Variants in LRRN2 observed in about 807,000 individuals in gnomAD.
LRRN2 encodes the protein leucine-rich repeat neuronal protein 2.
A neutral mutation model predicts 35.7 loss-of-function variants in LRRN2; 10 were observed. That is an observed-to-expected ratio of 0.28 (90% CI 0.17 to 0.47). The LOEUF (loss-of-function observed/expected upper bound fraction) is 0.47. Among genes scored for constraint, LRRN2 ranks in the 20% least tolerant of loss-of-function variants. LRRN2 has a pLI of 0.99. For missense variants in LRRN2, 731 were observed against 940.3 expected, an observed-to-expected ratio of 0.78 and a Z score of 2.91; for synonymous variants, 391 against 409.6, an observed-to-expected ratio of 0.95 and a Z score of 0.55.
intron 1 of LRRN2, among the ~76,000 whole-genome samples, chr1:204,663,711 G>T (rs1668516080): frequency 6.6e-6 from 1 of 152,126 alleles, no homozygotes; most frequent in African/African-American, 2.4e-5. Flanking sequence ...GCTGCTTGTT[G>T]TGTCTGTTTG....
chr1:204,674,302 C>T (rs1486915407), intron 1 of LRRN2, among the ~76,000 whole-genome samples: 9 of 151,694 alleles, frequency 5.9e-5, no homozygotes, highest in African/African-American at 2.2e-4. Context: ...CCCTCACTGC[C>T]TCCCCTCCCC....
chr1:204,643,328 T>C (rs1668023746), intron 1 of LRRN2, among the ~76,000 whole-genome samples: 1 of 152,088 alleles, frequency 6.6e-6, no homozygotes, highest in Non-Finnish European at 1.5e-5. Context: ...CATGCAAACA[T>C]GTTTGTTTGT....
At chr1:204,657,399 A>G (rs1051987127) in intron 1 of LRRN2, among the ~76,000 whole-genome samples, 5 of 152,056 alleles carry the variant, frequency 3.3e-5, no homozygotes, top group Admixed American at 2.6e-4. Flanking sequence ...ACAATGCAAT[A>G]ATATTCAACT....
chr1:204,640,369 T>C (rs1435281873), intron 1 of LRRN2, among the ~76,000 whole-genome samples: 3 of 152,178 alleles, frequency 2.0e-5, no homozygotes, highest in Non-Finnish European at 4.4e-5. Context: ...GGGGTTAAGA[T>C]TCAACACAGA....
chr1:204,669,928 G>A (rs941317241), intron 1 of LRRN2, among the ~76,000 whole-genome samples: 1 of 152,182 alleles, frequency 6.6e-6, no homozygotes, highest in Non-Finnish European at 1.5e-5. Context: ...GTCCTTAAAA[G>A]GTCAGTCCAG....
chr1:204,637,727 A>C (rs1254326403), intron 1 of LRRN2, among the ~76,000 whole-genome samples: 5 of 134,410 alleles, frequency 3.7e-5, no homozygotes, highest in East Asian at 2.2e-4. Context: ...GGTAGAGAGG[A>C]CTCCTCTGCG....
intron 1 of LRRN2, among the ~76,000 whole-genome samples, chr1:204,679,568 G>A (rs1668894963): frequency 6.6e-6 from 1 of 152,168 alleles, no homozygotes; most frequent in Non-Finnish European, 1.5e-5. Context: ...TGCCTTGTGA[G>A]ATGTTTGTAA....
chr1:204,634,309 G>T (rs1667779790), intron 1 of LRRN2, among the ~76,000 whole-genome samples: 1 of 152,230 alleles, frequency 6.6e-6, no homozygotes, highest in South Asian at 2.1e-4. Flanking sequence ...AAGACGTGGA[G>T]GAGAGAATGA....
rs576348806 is a variant in LRRN2 at position 204,671,732 on chromosome 1, C to T, written c.-227+13588G>A. ...TAAAGAGTGGGGGTGTCATAGAACC[C>T]TCCCACTGCTAAATTTGACTGGCTA... On this transcript the variant is annotated intron_variant, in intron 1 of 1. Coordinates refer to ENST00000367177, the MANE Select transcript of LRRN2 (RefSeq NM_201630.2). Among the ~76,000 whole-genome samples, 90 of 150,824 alleles carry T rather than the reference C, an allele frequency of 6.0e-4. 1 individual carries two copies. Among genetic ancestry groups the T allele is most frequent in the African/African-American group, 2.0e-3 (84 of 40,990 alleles).
At chr1:204,665,070 A>G (rs1031771237) in intron 1 of LRRN2, among the ~76,000 whole-genome samples, 3 of 152,126 alleles carry the variant, frequency 2.0e-5, no homozygotes, top group Non-Finnish European at 4.4e-5. Context: ...TATCCTCCCC[A>G]GCAGTCCATT....
intron 1 of LRRN2, among the ~76,000 whole-genome samples, chr1:204,637,826 T>C (rs900039199): frequency 2.0e-5 from 3 of 152,282 alleles, no homozygotes; most frequent in South Asian, 2.1e-4. Context: ...CCGTGCTCTT[T>C]AAACACAGGA....
At chr1:204,643,518 T>C (rs1668030628) in intron 1 of LRRN2, among the ~76,000 whole-genome samples, 1 of 152,108 alleles carries the variant, frequency 6.6e-6, no homozygotes, top group Admixed American at 6.6e-5. Flanking sequence ...AAGGTGGATT[T>C]TGAGGCCTGG....
In LRRN2 at chr1:204,657,574, G is replaced by A. The variant is rs558718059; in HGVS notation, c.-227+27746C>T. 1.6e-4 allele frequency among the ~76,000 whole-genome samples: 17 copies of A among 103,096 alleles called. No homozygotes were observed. The East Asian group carries it at 0.012, about 72-fold the overall frequency. The allele number at this position is 103,096 out of a possible 152,430, so 67.6% of individuals were successfully genotyped here. On this transcript the variant is annotated intron_variant, in intron 1 of 1. Coordinates refer to ENST00000367177, the MANE Select transcript of LRRN2 (RefSeq NM_201630.2). Reference sequence around the variant, plus strand: ...GCAGACTAGTGGTTGCCAGGATCTGGGGGAAGGGGAGAATGAGGAGTGGCT... The same window carrying A: ...GCAGACTAGTGGTTGCCAGGATCTGAGGGAAGGGGAGAATGAGGAGTGGCT...
intron 1 of LRRN2, among the ~76,000 whole-genome samples, chr1:204,660,449 A>AT (rs1191087110): frequency 6.6e-6 from 1 of 151,750 alleles, no homozygotes; most frequent in South Asian, 2.1e-4. Context: ...TGTCCAAAAT[A>AT]TTTTTTTCCT....
At chr1:204,640,081 T>C (rs1183037864) in intron 1 of LRRN2, among the ~76,000 whole-genome samples, 3 of 152,222 alleles carry the variant, frequency 2.0e-5, no homozygotes, top group Non-Finnish European at 4.4e-5. Flanking sequence ...TAACAAAATA[T>C]TATAAACCAG....
In LRRN2 at chr1:204,619,981, G is replaced by A. The variant is rs759544736; in HGVS notation, c.12C>T (p.Leu4=). 107 of 1,609,426 alleles carry A rather than the reference G, an allele frequency of 6.6e-5. No homozygotes were observed. Among genetic ancestry groups the A allele is most frequent in the Admixed American group, 1.2e-4 (7 of 59,216 alleles). ...CCCAAGCTAGCAAGAGTGGGGCCAC[G>A]AGAAGCCTCATGGTGGAGCTGCAGG... MRL[L]VAPLLLAWVA... The change falls in exon 2 of 2, where the codon CTC becomes CTT. Residue 4 remains leucine (L), a synonymous_variant. Transcript: ENST00000367177.
chr1:204,657,091 G>A (rs564824206), intron 1 of LRRN2, among the ~76,000 whole-genome samples: 72 of 152,266 alleles, frequency 4.7e-4, no homozygotes, highest in African/African-American at 1.7e-3. Flanking sequence ...ACCATCTGAG[G>A]TCAGGAGTTT....
intron 1 of LRRN2, among the ~76,000 whole-genome samples, chr1:204,627,801 G>A (rs566730912): frequency 2.7e-4 from 41 of 152,216 alleles, no homozygotes; most frequent in Non-Finnish European, 4.9e-4. Context: ...GCCCTAGTGT[G>A]CCTCCATCCT....
chr1:204,637,751 C>T (rs923171387), intron 1 of LRRN2, among the ~76,000 whole-genome samples: 1 of 151,686 alleles, frequency 6.6e-6, no homozygotes, highest in Non-Finnish European at 1.5e-5. Context: ...AGGCCCCGAC[C>T]CCCGGGCCTC....
Sources: gnomAD v4.1 joint callset for allele counts (sites outside exome capture counted in the v4.1 genomes callset) on GRCh38, gnomAD v4.1.1 for gene constraint, MANE v1.5 for transcripts, NCBI Gene and HGNC (gene_info 2026-07-23, HGNC 2026-07-21) for gene names.